NCL: variants seen among roughly 807,000 people sequenced by gnomAD.
NCL encodes the protein nucleolin multifunctional protein.
NCL carries 4 observed loss-of-function variants against 77.7 expected under a neutral mutation model. That is an observed-to-expected ratio of 0.05 (90% CI 0.03 to 0.12). The LOEUF is 0.12. NCL is among the 10% of genes least tolerant of loss of function. The pLI, the probability that NCL is intolerant of heterozygous loss-of-function variation, is 1.00. For synonymous variants in NCL, 344 were observed against 297.8 expected (o/e 1.16, Z -1.60); for missense variants, 763 against 860.9 (o/e 0.89, Z 1.42).
At position 231,458,254 on chromosome 2, in the gene NCL, G is replaced by T. The variant is rs771381819; in HGVS notation, c.1289+12C>A. On this transcript the variant is annotated intron_variant, in intron 8 of 13. Transcript: ENST00000322723. Reference sequence around the variant, plus strand: ...TTAATAAAACCCTTACATTTCAATAGACAGAACATACCCTTTACTTTTCCC... The same window carrying T: ...TTAATAAAACCCTTACATTTCAATATACAGAACATACCCTTTACTTTTCCC... 1.2e-6 allele frequency: 2 copies of T among 1,607,720 alleles called. No individual in the cohort carries two copies. Among genetic ancestry groups the T allele is most frequent in the Non-Finnish European group, 8.5e-7 (1 of 1,178,096 alleles).
intron 12 of NCL, 72 bp from the exon 13 acceptor site, chr2:231,455,696 T>G: frequency 6.7e-7 from 1 of 1,500,228 alleles, no homozygotes; most frequent in Non-Finnish European, 9.3e-7. Context: ...CTGTACATGC[T>G]GGGGAGCCAT....
intron 1 of NCL, chr2:231,463,749 C>A: frequency 6.0e-6 from 1 of 167,502 alleles, no homozygotes; most frequent in South Asian, 1.3e-4. Context: ...ACAACCCCGC[C>A]CCTTAAAGAG....
At chr2:231,457,533 T>C in intron 9 of NCL, 110 bp downstream of exon 9, 1 of 1,135,988 alleles carries the variant, frequency 8.8e-7, no homozygotes, top group Non-Finnish European at 1.3e-6. Flanking sequence ...GATCTTCACC[T>C]ACATTTGAGT....
intron 3 of NCL, among the ~76,000 whole-genome samples, 198 bp downstream of exon 3, chr2:231,461,342 G>T (rs1348714643): frequency 6.6e-6 from 1 of 150,390 alleles, no homozygotes; most frequent in Non-Finnish European, 1.5e-5. Context: ...AACACTAATA[G>T]AATGTGCTAT....
chr2:231,461,375 A>G (rs1468489365), intron 3 of NCL, among the ~76,000 whole-genome samples, 165 bp downstream of exon 3: 3 of 152,218 alleles, frequency 2.0e-5, no homozygotes. Context: ...AAGAGGCACA[A>G]AAATCATTCA....
intron 7 of NCL, 138 bp downstream of exon 7, chr2:231,458,863 T>C (rs1359383650): frequency 7.4e-6 from 7 of 947,038 alleles, no homozygotes; most frequent in Non-Finnish European, 8.9e-6. Context: ...GCTCATTTAA[T>C]TCCCACATTA....
chr2:231,456,019 G>A lies in NCL; in HGVS notation c.1823C>T (p.Ser608Phe), dbSNP rs1359846747. The change falls in exon 12 of 14, where the codon TCC becomes TTC. Residue 608 changes from serine (S) to phenylalanine (F), a missense_variant. By Grantham distance (155) the Ser-to-Phe change is radical. Around this residue, in one of 2 missense-constraint regions of NCL, gnomAD observed 173 missense variants for 290.4 expected, o/e 0.60. Coordinates refer to ENST00000322723, the MANE Select transcript of NCL (RefSeq NM_005381.3). ...CGCTTCCTTCCCTTACCCTTTGGAGGACCCAGTTTCCCGGTCAGTAACTAT... is the reference window on the plus strand; with the variant it reads ...CGCTTCCTTCCCTTACCCTTTGGAGAACCCAGTTTCCCGGTCAGTAACTAT... Reference protein sequence around the residue: ...ARIVTDRETGSSKGFGFVDFN... With the variant: ...ARIVTDRETGFSKGFGFVDFN... 1 of 1,614,164 alleles carries A rather than the reference G, an allele frequency of 6.2e-7. No homozygotes were observed. The highest frequency in any genetic ancestry group is 1.1e-5 in the South Asian group (1 of 91,084).
chr2:231,461,044 C>T (rs2046944489), intron 3 of NCL, among the ~76,000 whole-genome samples, 178 bp from the exon 4 acceptor site: 1 of 152,060 alleles, frequency 6.6e-6, no homozygotes, highest in Non-Finnish European at 1.5e-5. Context: ...TTTGGGAGAC[C>T]AAGGTGGGTG....
At position 231,461,616 on chromosome 2, in the gene NCL, A is replaced by G. The variant is rs140866688; in HGVS notation, c.537T>C (p.Ala179=). Residue 179 remains alanine (A), a synonymous_variant, in exon 3 of 14, where the codon GCT becomes GCC. Transcript: ENST00000322723. The stretch of plus-strand genomic sequence containing the variant: ...CCTCATCCTCTGAGGCAGGGGCAGC[A>G]GCTGCTGCTTTCATCGCTGCTGGTT... ...EIEPAAMKAA[A]AAPASEDEDD... is the part of the protein sequence containing the mutation. The G allele has an allele frequency of 2.5e-6, 4 of 1,608,190 alleles. No homozygotes were observed. In the African/African-American group the frequency reaches 4.0e-5, roughly 16 times the overall value.
Position 231,460,880 on chromosome 2 carries a change from C to T in NCL, c.614-14G>A, listed in dbSNP as rs1331819438. On this transcript the variant is annotated splice_polypyrimidine_tract_variant and intron_variant, in intron 3 of 13. Transcript: ENST00000322723. ...CTTCTTCAGAGTCTGAAAGAGAAGT[C>T]ACCTAAAAATTGCAGCAATCTCCCA... 1 of 1,608,332 alleles carries T rather than the reference C, an allele frequency of 6.2e-7. No homozygotes were observed. Among genetic ancestry groups the T allele is most frequent in the Non-Finnish European group, 8.5e-7 (1 of 1,175,548 alleles).
chr2:231,462,716 G>A (rs574144239), intron 2 of NCL: 22 of 377,152 alleles, frequency 5.8e-5, no homozygotes, highest in Admixed American at 5.7e-4. Flanking sequence ...GCTAAAGAGG[G>A]TCAATGGTAA....
At chr2:231,458,637 T>TA (rs2046915961) in intron 7 of NCL, 1 of 509,066 alleles carries the variant, frequency 2.0e-6, no homozygotes, top group Non-Finnish European at 3.4e-6. Context: ...TAGACGCGCA[T>TA]AACAAAAAAA....
At chr2:231,462,140 A>G (rs2046958865) in intron 2 of NCL, 123 bp from the exon 3 acceptor site, 2 of 1,236,130 alleles carry the variant, frequency 1.6e-6, no homozygotes, top group Admixed American at 1.7e-5. Context: ...CACTAGACAC[A>G]TTAGCATGTT....
chr2:231,464,146 C>CAGA, intron 1 of NCL, 190 bp downstream of exon 1: 2 of 1,404,800 alleles, frequency 1.4e-6, no homozygotes, highest in Non-Finnish European at 1.9e-6. Flanking sequence ...CCAGCACCTG[C>CAGA]AGAAGCTCTT....
intron 7 of NCL, chr2:231,458,596 T>C: frequency 3.1e-6 from 2 of 640,470 alleles, no homozygotes; most frequent in South Asian, 2.1e-5. Flanking sequence ...TGTCAAACTC[T>C]CTGTTAGGTA....
rs141123294 is a variant in NCL, at chr2:231,463,269, C to T, written c.66G>A (p.Lys22=). ...GDPKKMAPPP[K]EVEEDSEDEE... is the part of the protein sequence containing the mutation. ...CATCTTCACTATCTTCTTCTACCTC[C>T]TTTGGAGGAGGAGCCATTTTCTTGG... The change falls in exon 2 of 14, where the codon AAG becomes AAA. Residue 22 remains lysine (K), a synonymous_variant. Coordinates refer to ENST00000322723, the MANE Select transcript of NCL (RefSeq NM_005381.3). 9.9e-6 allele frequency: 16 copies of T among 1,612,966 alleles called. No homozygotes were observed. Among genetic ancestry groups the T allele is most frequent in the Middle Eastern group, 1.7e-4 (1 of 6,058 alleles).
chr2:231,458,013 A>G (rs1000334470), intron 8 of NCL, among the ~76,000 whole-genome samples: 1 of 152,222 alleles, frequency 6.6e-6, no homozygotes, highest in Non-Finnish European at 1.5e-5. Context: ...CACTGAAAGA[A>G]CTGCTACTAC....
intron 6 of NCL, among the ~76,000 whole-genome samples, 175 bp downstream of exon 6, chr2:231,459,977 G>C (rs1004451236): frequency 6.6e-6 from 1 of 152,158 alleles, no homozygotes; most frequent in Non-Finnish European, 1.5e-5. Context: ...ACTGATTATG[G>C]AAATTGCAAC....
rs541180829 is a variant in NCL at position 231,460,736 on chromosome 2, G to A, written c.744C>T (p.Asp248=). The part of the protein sequence containing the change: ...EEEDDEDEDD[D]DDEDDEDDDD... ...CATCATCTTCATCATCTTCGTCGTC[G>A]TCGTCATCCTCGTCCTCATCATCCT... The change falls in exon 4 of 14, where the codon GAC becomes GAT. Residue 248 remains aspartate, a synonymous_variant. Transcript: ENST00000322723. The A allele has an allele frequency of 9.3e-6, 15 of 1,611,310 alleles. No individual in the cohort carries two copies. The highest frequency in any genetic ancestry group is 4.4e-5 in the South Asian group (4 of 91,000).
Sources: gnomAD v4.1 joint callset for allele counts (sites outside exome capture counted in the v4.1 genomes callset) on GRCh38, gnomAD v4.1.1 for gene constraint, gnomAD v4.1.1 regional missense constraint, MANE v1.5 for transcripts, NCBI Gene and HGNC (gene_info 2026-07-23, HGNC 2026-07-21) for gene names.